The following PLCH1 variants were observed in gnomAD, a reference collection of about 807,000 sequenced individuals.
The protein encoded by PLCH1 is 1-phosphatidylinositol 4,5-bisphosphate phosphodiesterase eta-1.
PLCH1 carries 60 observed loss-of-function variants against 126.7 expected under a neutral mutation model. The observed-to-expected ratio is 0.47, with a 90% CI of 0.38 to 0.59. The LOEUF is 0.59. PLCH1 is among the 20% of genes least tolerant of loss of function. The pLI is 0.00. For missense variants in PLCH1, 1,723 were observed against 2,040.0 expected (o/e 0.84, Z 2.99); for synonymous variants, 719 against 734.9 (o/e 0.98, Z 0.35).
At chr3:155,608,593 A>C (rs150762087) in intron 2 of PLCH1, among the ~76,000 whole-genome samples, 53 of 152,268 alleles carry the variant, frequency 3.5e-4, no homozygotes, top group Middle Eastern at 3.4e-3. Flanking sequence ...CGTCACTGCC[A>C]GCTTTCCCCC....
At chr3:155,646,643 A>G (rs1286289335) in intron 2 of PLCH1, among the ~76,000 whole-genome samples, 3 of 152,156 alleles carry the variant, frequency 2.0e-5, no homozygotes, top group African/African-American at 7.2e-5. Context: ...ACTTCTCTAA[A>G]TGACTTAGAG....
chr3:155,458,397 G>A lies in PLCH1; in HGVS notation c.2938+26959C>T, dbSNP rs866595877. ...AAGAAAGAAAGAAAGAAGGAAGGAAGGAAGGAAGGAAGGAAGGAAGGAAGG... is the reference window on the plus strand; with the variant it reads ...AAGAAAGAAAGAAAGAAGGAAGGAAAGAAGGAAGGAAGGAAGGAAGGAAGG... On this transcript the variant is annotated intron_variant, in intron 21 of 21. Coordinates refer to the PLCH1 transcript ENST00000494598. 9.0e-3 allele frequency among the ~76,000 whole-genome samples: 221 copies of A among 24,566 alleles called. 10 individuals are homozygous for A. Among genetic ancestry groups the A allele is most frequent in the African/African-American group, 0.066 (207 of 3,134 alleles). The allele number at this position is 24,566 out of a possible 152,430, so 16.1% of individuals were successfully genotyped here. A position where few individuals can be genotyped will look rare whatever the true frequency, so the allele number is the denominator to read the frequency against.
intron 2 of PLCH1, among the ~76,000 whole-genome samples, chr3:155,645,316 C>T (rs1739891197): frequency 6.6e-6 from 1 of 152,192 alleles, no homozygotes; most frequent in South Asian, 2.1e-4. Context: ...CTCAATCAAT[C>T]CTCCTGCCTT....
chr3:155,517,645 G>A (rs1461088617), intron 11 of PLCH1, among the ~76,000 whole-genome samples: 5 of 152,224 alleles, frequency 3.3e-5, no homozygotes, highest in Admixed American at 1.3e-4. Context: ...TAGGGCCCAC[G>A]TGGTTAACCC....
intron 2 of PLCH1, among the ~76,000 whole-genome samples, chr3:155,697,036 G>C (rs754401323): frequency 1.3e-5 from 2 of 152,148 alleles, no homozygotes; most frequent in African/African-American, 4.8e-5. Flanking sequence ...CTCCATCGTT[G>C]CAGAAGATAA....
intron 2 of PLCH1, among the ~76,000 whole-genome samples, chr3:155,695,855 A>C (rs1218015973): frequency 6.6e-6 from 1 of 152,214 alleles, no homozygotes; most frequent in Non-Finnish European, 1.5e-5. Context: ...GTGAAGAAGC[A>C]GTGAGTTTTG....
At chr3:155,571,770 T>C (rs1729259995) in intron 6 of PLCH1, among the ~76,000 whole-genome samples, 1 of 152,222 alleles carries the variant, frequency 6.6e-6, no homozygotes, top group African/African-American at 2.4e-5. Flanking sequence ...CTTCTTACTG[T>C]GTTAGATATT....
rs1425594111 is a variant in PLCH1 at position 155,568,305 on chromosome 3, T to C, written c.791A>G (p.Asp264Gly). The C allele has an allele frequency of 3.3e-6, 5 of 1,516,798 alleles. No homozygotes were observed. Among genetic ancestry groups the C allele is most frequent in the South Asian group, 2.3e-5 (2 of 87,228 alleles). The allele number at this position is 1,516,798 out of a possible 1,614,324, so 94.0% of individuals were successfully genotyped here. ...CTTCTTTATGATGTCAAGACAATAG[T>C]CCGTTGTCACATTATTCATCTAAGA... ...VEQKMNNVTT[D>G]YCLDIIKKFE... The change falls in exon 7 of 23, where the codon GAC becomes GGC. Residue 264 changes from aspartate (D) to glycine (G), a missense_variant. Around this residue, in one of 2 missense-constraint regions of PLCH1, gnomAD observed 776 missense variants for 1,062.9 expected, o/e 0.73. Coordinates refer to ENST00000460012, the MANE Select transcript of PLCH1 (RefSeq NM_014996.4).
At chr3:155,524,552 C>A (rs1721648768) in intron 10 of PLCH1, among the ~76,000 whole-genome samples, 1 of 152,042 alleles carries the variant, frequency 6.6e-6, no homozygotes, top group Non-Finnish European at 1.5e-5. Context: ...TATCATTAAG[C>A]TAATCATTAC....
At chr3:155,705,380 G>A (rs774340076) in intron 1 of PLCH1, among the ~76,000 whole-genome samples, 1 of 151,980 alleles carries the variant, frequency 6.6e-6, no homozygotes, top group African/African-American at 2.4e-5. Flanking sequence ...CTCTGGCTCC[G>A]TGCTGGACTG....
chr3:155,453,180 T>C (rs529044800), intron 21 of PLCH1, among the ~76,000 whole-genome samples: 1 of 152,278 alleles, frequency 6.6e-6, no homozygotes, highest in East Asian at 1.9e-4. Context: ...TCTTCAGAAG[T>C]GTCAAGACCA....
At chr3:155,694,956 T>C (rs1464488911) in intron 2 of PLCH1, among the ~76,000 whole-genome samples, 1 of 150,758 alleles carries the variant, frequency 6.6e-6, no homozygotes, top group Admixed American at 6.6e-5. Context: ...CTAGTGCTTT[T>C]TTTTTTTTTT....
chr3:155,627,372 TGTAATCCCA>T (rs1287496560), intron 2 of PLCH1, among the ~76,000 whole-genome samples: 3 of 152,204 alleles, frequency 2.0e-5, no homozygotes, highest in Non-Finnish European at 2.9e-5. Context: ...GGCTCATGCC[TGTAATCCCA>T]GCACTTTGGG....
chr3:155,618,805 T>C (rs930598146), intron 2 of PLCH1, among the ~76,000 whole-genome samples: 10 of 152,098 alleles, frequency 6.6e-5, no homozygotes, highest in African/African-American at 2.4e-4. Flanking sequence ...TGCTGAACAA[T>C]TGCTTTACAG....
intron 2 of PLCH1, among the ~76,000 whole-genome samples, chr3:155,606,888 C>A (rs1734436831): frequency 6.6e-6 from 1 of 152,196 alleles, no homozygotes; most frequent in African/African-American, 2.4e-5. Flanking sequence ...ATCTGTTTTA[C>A]CTTCCAGTTG....
intron 2 of PLCH1, among the ~76,000 whole-genome samples, chr3:155,694,597 G>A (rs922988308): frequency 3.9e-5 from 6 of 152,166 alleles, no homozygotes; most frequent in Non-Finnish European, 8.8e-5. Context: ...TCTTTTAATT[G>A]AGCATAAGCC....
At chr3:155,579,690 G>A (rs1730413153) in intron 6 of PLCH1, among the ~76,000 whole-genome samples, 1 of 152,180 alleles carries the variant, frequency 6.6e-6, no homozygotes, top group Non-Finnish European at 1.5e-5. Flanking sequence ...CATCAAGAAA[G>A]GCATTAAAAC....
At chr3:155,544,391 T>A (rs1484059231) in intron 10 of PLCH1, among the ~76,000 whole-genome samples, 5 of 152,138 alleles carry the variant, frequency 3.3e-5, no homozygotes, top group African/African-American at 4.8e-5. Flanking sequence ...ATAAAGCAAG[T>A]CCTGAGTGAC....
intron 2 of PLCH1, among the ~76,000 whole-genome samples, chr3:155,669,076 T>C (rs1047244189): frequency 2.0e-5 from 3 of 150,582 alleles, no homozygotes; most frequent in Non-Finnish European, 4.4e-5. Flanking sequence ...AAAACACAAA[T>C]CCACATGCCA....
Sources: gnomAD v4.1 joint callset for allele counts (sites outside exome capture counted in the v4.1 genomes callset) on GRCh38, gnomAD v4.1.1 for gene constraint, gnomAD v4.1.1 regional missense constraint, MANE v1.5 for transcripts, NCBI Gene and HGNC (gene_info 2026-07-23, HGNC 2026-07-21) for gene names.